ADAMTS19: variants seen among roughly 807,000 people sequenced by gnomAD.
ADAMTS19 encodes ADAM metallopeptidase with thrombospondin type 1 motif 19.
ADAMTS19 carries 93 observed loss-of-function variants against 153.3 expected under a neutral mutation model. That is an observed-to-expected ratio of 0.61 (90% CI 0.51 to 0.72). The LOEUF is 0.72. Ranked by LOEUF, ADAMTS19 falls within the 30% of genes least tolerant of loss-of-function variation. ADAMTS19 has a pLI of 0.00. For missense variants in ADAMTS19, 1,482 were observed against 1,552.1 expected, an observed-to-expected ratio of 0.95 and a Z score of 0.76; for synonymous variants, 600 against 556.6, an observed-to-expected ratio of 1.08 and a Z score of -1.10.
At chr5:129,607,318 A>G (rs1016345607) in intron 8 of ADAMTS19, among the ~76,000 whole-genome samples, 1 of 152,238 alleles carries the variant, frequency 6.6e-6, no homozygotes, top group African/African-American at 2.4e-5. Context: ...TTACCTATAT[A>G]TAGGTTCCCA....
chr5:129,536,686 G>A (rs1752442560), intron 6 of ADAMTS19, among the ~76,000 whole-genome samples: 1 of 152,144 alleles, frequency 6.6e-6, no homozygotes, highest in African/African-American at 2.4e-5. Context: ...TGAGAGACTG[G>A]ATTAAGAAAA....
chr5:129,657,147 G>A (rs1753581605), intron 14 of ADAMTS19, among the ~76,000 whole-genome samples: 2 of 152,148 alleles, frequency 1.3e-5, no homozygotes, highest in Admixed American at 1.3e-4. Context: ...GCTGATCAGA[G>A]TTTTGTGCTA....
At chr5:129,627,389 A>G (rs1752097564) in intron 10 of ADAMTS19, among the ~76,000 whole-genome samples, 1 of 152,098 alleles carries the variant, frequency 6.6e-6, no homozygotes. Context: ...TGTAAAACCT[A>G]AAACTGTAAA....
intron 21 of ADAMTS19, among the ~76,000 whole-genome samples, chr5:129,723,200 G>C (rs1757073412): frequency 6.6e-6 from 1 of 152,126 alleles, no homozygotes; most frequent in South Asian, 2.1e-4. Context: ...ATAAACATCT[G>C]AGTTAAGTAA....
chr5:129,699,439 A>G (rs1274760544), intron 19 of ADAMTS19, among the ~76,000 whole-genome samples: 3 of 151,402 alleles, frequency 2.0e-5, no homozygotes, highest in Non-Finnish European at 4.4e-5. Context: ...AAAAAAAAAA[A>G]AGAAAGACAT....
intron 6 of ADAMTS19, 91 bp from the exon 7 acceptor site, chr5:129,551,773 T>C (rs1268420989): frequency 5.5e-6 from 4 of 722,746 alleles, no homozygotes; most frequent in African/African-American, 1.9e-5. Context: ...TGTGCTTCAA[T>C]TAATCATATA....
At chr5:129,727,247 C>T (rs1561673170) in intron 21 of ADAMTS19, among the ~76,000 whole-genome samples, 1 of 152,224 alleles carries the variant, frequency 6.6e-6, no homozygotes. Flanking sequence ...AGGACTGTCC[C>T]AGTATGCCTA....
chr5:129,669,088 G>GTATATATATATATATATATATATATATA, intron 16 of ADAMTS19, among the ~76,000 whole-genome samples: 2 of 149,132 alleles, frequency 1.3e-5, no homozygotes, highest in South Asian at 4.2e-4. Context: ...ATATATATGT[G>GTATATATATATATATATATATATATATA]TATATATATA....
chr5:129,669,367 A>G (rs1754197365), intron 16 of ADAMTS19, among the ~76,000 whole-genome samples: 1 of 151,974 alleles, frequency 6.6e-6, no homozygotes, highest in African/African-American at 2.4e-5. Flanking sequence ...AAGTTTGTAC[A>G]TTTCATCTAG....
chr5:129,560,114 A>G lies in ADAMTS19; in HGVS notation c.1372+8207A>G, dbSNP rs1418404025. The stretch of plus-strand genomic sequence containing the variant: ...AGTATAAAATCCCAGGATTCTGGAT[A>G]CCTATTTGGTATTTTTGTTTTTTCA... On this transcript the variant is annotated intron_variant, in intron 7 of 22. Transcript: ENST00000274487. Among the ~76,000 whole-genome samples the G allele has an allele frequency of 2.0e-5, 3 of 152,142 alleles. No individual in the cohort carries two copies. The East Asian group carries it at 5.8e-4, about 29-fold the overall frequency.
At chr5:129,692,205 T>C (rs1417343613) in intron 18 of ADAMTS19, among the ~76,000 whole-genome samples, 1 of 152,076 alleles carries the variant, frequency 6.6e-6, no homozygotes, top group South Asian at 2.1e-4. Context: ...CTGCATAATA[T>C]CTATTTGATA....
intron 15 of ADAMTS19, among the ~76,000 whole-genome samples, chr5:129,660,037 C>A (rs1046450003): frequency 6.6e-6 from 1 of 152,028 alleles, no homozygotes; most frequent in Non-Finnish European, 1.5e-5. Context: ...TTTGAGTAAT[C>A]GAGAAAACAG....
At chr5:129,558,330 G>C (rs1260577204) in intron 7 of ADAMTS19, among the ~76,000 whole-genome samples, 1 of 151,974 alleles carries the variant, frequency 6.6e-6, no homozygotes, top group Non-Finnish European at 1.5e-5. Context: ...TTTAATTGGT[G>C]GTTAGATATC....
intron 16 of ADAMTS19, among the ~76,000 whole-genome samples, chr5:129,672,378 A>G (rs1192742624): frequency 6.6e-6 from 1 of 152,170 alleles, no homozygotes; most frequent in Middle Eastern, 3.2e-3. Flanking sequence ...GAACCCTTAG[A>G]TACTAAAAAC....
intron 21 of ADAMTS19, among the ~76,000 whole-genome samples, chr5:129,720,168 A>T (rs2011358): frequency 0.61 from 78,395 of 127,678 alleles, 22,005 homozygotes; most frequent in African/African-American, 0.63. Flanking sequence ...ATATATATAT[A>T]TATTTATTTT....
chr5:129,535,067 A>G (rs1752363434), intron 6 of ADAMTS19, among the ~76,000 whole-genome samples: 1 of 152,192 alleles, frequency 6.6e-6, no homozygotes, highest in Non-Finnish European at 1.5e-5. Flanking sequence ...TGGCCAGGAC[A>G]GTCAGGCAGG....
intron 6 of ADAMTS19, among the ~76,000 whole-genome samples, chr5:129,535,126 C>A (rs1752366509): frequency 6.6e-6 from 1 of 152,140 alleles, no homozygotes; most frequent in Non-Finnish European, 1.5e-5. Context: ...GTCAAATTGT[C>A]CCTGTTTGCA....
rs748947980 is a variant in ADAMTS19 at position 129,665,587 on chromosome 5, G to C, written c.2506+8G>C. Reference sequence around the variant, plus strand: ...CGGCACATAGCTATTTAGGTAACCTGTGTTACAGACACAGAGAAGATCCAA... The same window carrying C: ...CGGCACATAGCTATTTAGGTAACCTCTGTTACAGACACAGAGAAGATCCAA... On this transcript the variant is annotated splice_region_variant and intron_variant, in intron 16 of 22. Coordinates refer to ENST00000274487, the MANE Select transcript of ADAMTS19 (RefSeq NM_133638.6). The C allele has an allele frequency of 6.2e-7, 1 of 1,602,530 alleles. No individual in the cohort carries two copies. The highest frequency in any genetic ancestry group is 1.1e-5 in the South Asian group (1 of 90,144).
At chr5:129,577,707 C>T (rs193137882) in intron 7 of ADAMTS19, among the ~76,000 whole-genome samples, 8 of 152,078 alleles carry the variant, frequency 5.3e-5, no homozygotes, top group East Asian at 1.9e-4. Context: ...AATTAATGAA[C>T]GATTACAGGA....
Sources: gnomAD v4.1 joint callset for allele counts (sites outside exome capture counted in the v4.1 genomes callset) on GRCh38, gnomAD v4.1.1 for gene constraint, MANE v1.5 for transcripts, NCBI Gene and HGNC (gene_info 2026-07-23, HGNC 2026-07-21) for gene names.